EMCN: variants seen among roughly 807,000 people sequenced by gnomAD.
EMCN encodes endomucin.
In EMCN, 37 loss-of-function variants were observed where a neutral mutation model predicts 38.4. That is an observed-to-expected ratio of 0.96 (90% CI 0.74 to 1.27). EMCN has a LOEUF of 1.27. EMCN is among the 50% of genes most tolerant of loss of function. EMCN has a pLI of 0.00. For missense variants in EMCN, 318 were observed against 302.8 expected, an observed-to-expected ratio of 1.05 and a Z score of -0.37; for synonymous variants, 95 against 100.8, an observed-to-expected ratio of 0.94 and a Z score of 0.35.
chr4:100,429,191 A>G (rs1727132209), intron 5 of EMCN, among the ~76,000 whole-genome samples: 1 of 152,158 alleles, frequency 6.6e-6, no homozygotes, highest in Admixed American at 6.5e-5. Flanking sequence ...CCTGACACTC[A>G]GGGAAAGGAG....
intron 1 of EMCN, among the ~76,000 whole-genome samples, chr4:100,516,946 A>T (rs2110316655): frequency 6.6e-6 from 1 of 152,142 alleles, no homozygotes; most frequent in South Asian, 2.1e-4. Context: ...TTTCACACTT[A>T]TTAAATCTAT....
At chr4:100,450,011 G>T (rs1727793909) in intron 4 of EMCN, among the ~76,000 whole-genome samples, 1 of 151,960 alleles carries the variant, frequency 6.6e-6, no homozygotes, top group Non-Finnish European at 1.5e-5. Context: ...CAAAAGCTTA[G>T]TAAAGATGAA....
intron 4 of EMCN, among the ~76,000 whole-genome samples, chr4:100,457,340 A>G (rs1039680509): frequency 2.0e-4 from 31 of 152,220 alleles, no homozygotes; most frequent in African/African-American, 7.5e-4. Context: ...TAGAACTTTC[A>G]GTATTATATT....
At chr4:100,488,103 G>T (rs934296511) in intron 1 of EMCN, among the ~76,000 whole-genome samples, 1 of 152,162 alleles carries the variant, frequency 6.6e-6, no homozygotes, top group African/African-American at 2.4e-5. Flanking sequence ...AACTGTGTGA[G>T]CCACTTTACC....
intron 1 of EMCN, among the ~76,000 whole-genome samples, chr4:100,492,676 C>G (rs1729114589): frequency 6.7e-6 from 1 of 148,546 alleles, no homozygotes; most frequent in Non-Finnish European, 1.5e-5. Context: ...AAAAACACAT[C>G]ATATATAAAG....
intron 1 of EMCN, 113 bp downstream of exon 1, chr4:100,517,738 A>G: frequency 1.0e-6 from 1 of 952,420 alleles, no homozygotes. Flanking sequence ...CAACTCATCA[A>G]AGGAATTGCT....
At chr4:100,457,139 C>T (rs1280425085) in intron 4 of EMCN, among the ~76,000 whole-genome samples, 1 of 151,326 alleles carries the variant, frequency 6.6e-6, no homozygotes, top group South Asian at 2.1e-4. Context: ...TCCTTTTTCA[C>T]TCTTTTAAAT....
At chr4:100,441,990 T>C (rs1443297490) in intron 5 of EMCN, among the ~76,000 whole-genome samples, 1 of 152,230 alleles carries the variant, frequency 6.6e-6, no homozygotes, top group Non-Finnish European at 1.5e-5. Flanking sequence ...TTATACTTTA[T>C]AGATATGTCA....
intron 5 of EMCN, among the ~76,000 whole-genome samples, chr4:100,423,927 A>G (rs918756726): frequency 2.0e-5 from 3 of 152,112 alleles, no homozygotes; most frequent in African/African-American, 7.2e-5. Context: ...TTCATCCCTA[A>G]AGTTCAGCAG....
intron 5 of EMCN, among the ~76,000 whole-genome samples, chr4:100,447,179 GT>G (rs760604926): frequency 2.0e-5 from 3 of 152,256 alleles, no homozygotes; most frequent in Non-Finnish European, 4.4e-5. Context: ...ACCAGATTTT[GT>G]TAGAAAGTAA....
chr4:100,450,697 T>A (rs771771944), intron 4 of EMCN, among the ~76,000 whole-genome samples: 1 of 151,940 alleles, frequency 6.6e-6, no homozygotes, highest in Admixed American at 6.6e-5. Flanking sequence ...TGAGGAGTAC[T>A]CTTGTATCTG....
intron 1 of EMCN, among the ~76,000 whole-genome samples, chr4:100,505,348 A>G (rs1436749301): frequency 6.6e-6 from 1 of 152,092 alleles, no homozygotes; most frequent in Non-Finnish European, 1.5e-5. Flanking sequence ...GCTGGACCCT[A>G]CAAAGCCTGC....
intron 7 of EMCN, among the ~76,000 whole-genome samples, 188 bp downstream of exon 7, chr4:100,422,833 T>G (rs1578402360): frequency 7.5e-6 from 1 of 132,774 alleles, no homozygotes; most frequent in East Asian, 2.0e-4. Flanking sequence ...TTTTTTTTTT[T>G]TTTTGTCATT....
chr4:100,480,940 A>G (rs1728788778), intron 1 of EMCN, among the ~76,000 whole-genome samples: 1 of 152,114 alleles, frequency 6.6e-6, no homozygotes, highest in African/African-American at 2.4e-5. Context: ...TTTACTTCAC[A>G]TAAAATTATT....
At chr4:100,499,617 G>A (rs1192985368) in intron 1 of EMCN, among the ~76,000 whole-genome samples, 1 of 152,182 alleles carries the variant, frequency 6.6e-6, no homozygotes, top group Non-Finnish European at 1.5e-5. Context: ...TTGTAAGCAA[G>A]CTTCAGTTTG....
intron 5 of EMCN, among the ~76,000 whole-genome samples, chr4:100,443,943 A>G (rs1727592700): frequency 6.6e-6 from 1 of 152,200 alleles, no homozygotes; most frequent in Non-Finnish European, 1.5e-5. Context: ...GCAAAAATGT[A>G]GACACTTAGC....
intron 1 of EMCN, among the ~76,000 whole-genome samples, chr4:100,497,975 A>C (rs920142147): frequency 7.2e-5 from 11 of 152,122 alleles, no homozygotes; most frequent in African/African-American, 2.4e-4. Context: ...TACTAGAGTG[A>C]TGAGATCATG....
intron 1 of EMCN, among the ~76,000 whole-genome samples, chr4:100,506,020 T>C (rs916091335): frequency 1.3e-4 from 20 of 152,150 alleles, no homozygotes; most frequent in Non-Finnish European, 2.5e-4. Context: ...ACCAAATCAA[T>C]ATTAAAGAGA....
intron 3 of EMCN, among the ~76,000 whole-genome samples, chr4:100,468,330 A>G (rs1037663082): frequency 1.3e-5 from 2 of 152,184 alleles, no homozygotes; most frequent in African/African-American, 4.8e-5. Flanking sequence ...ATTTTGAGGA[A>G]TTAAGTTTAT....
Sources: allele counts gnomAD v4.1 joint callset (sites outside exome capture counted in the v4.1 genomes callset), GRCh38; gene constraint gnomAD v4.1.1; transcripts MANE v1.5; gene names NCBI Gene and HGNC (gene_info 2026-07-23, HGNC 2026-07-21).